NOS1: variants seen among roughly 807,000 people sequenced by gnomAD.
The protein encoded by NOS1 is NOS type I.
A neutral mutation model predicts 164.5 loss-of-function variants in NOS1; 51 were observed. That is an observed-to-expected ratio of 0.31 (90% CI 0.25 to 0.39). The LOEUF (loss-of-function observed/expected upper bound fraction) is 0.39, where lower values mean the gene tolerates loss of function less well. Ranked by LOEUF, NOS1 falls within the 10% of genes least tolerant of loss-of-function variation. NOS1 has a pLI of 1.00. For missense variants in NOS1, 1,362 were observed against 1,885.6 expected (o/e 0.72, Z 5.14); for synonymous variants, 719 against 745.8 (o/e 0.96, Z 0.59).
At chr12:117,337,106 CTTTTTTTTTTTT>C (rs36054002) in intron 1 of NOS1, among the ~76,000 whole-genome samples, 7 of 64,332 alleles carry the variant, frequency 1.1e-4, no homozygotes, top group South Asian at 4.5e-4. Context: ...GCTTTTTACT[CTTTTTTTTTTTT>C]TTTTTTTTTT....
intron 26 of NOS1, 57 bp from the exon 27 acceptor site, chr12:117,220,326 G>C: frequency 6.7e-7 from 1 of 1,489,908 alleles, no homozygotes; most frequent in Non-Finnish European, 9.0e-7. Context: ...GCCTGCCATA[G>C]CCCATGTCTG....
intron 2 of NOS1, among the ~76,000 whole-genome samples, chr12:117,325,517 A>G (rs61277899): frequency 0.086 from 13,124 of 152,144 alleles, 1,916 homozygotes; most frequent in African/African-American, 0.3. Flanking sequence ...CAGGAACATG[A>G]AGGAAGAGAG....
At position 117,330,602 on chromosome 12, in the gene NOS1, C is replaced by A; in HGVS notation, c.468G>T (p.Gly156=). 6.2e-7 allele frequency: 1 copy of A among 1,611,800 alleles called. No individual in the cohort carries two copies. The highest frequency in any genetic ancestry group is 8.5e-7 in the Non-Finnish European group (1 of 1,178,840). The part of the protein sequence containing the change: ...PLAVDGASGP[G]NGPQHAYDDG... ...CATCGTAGGCATGCTGAGGCCCATT[C>A]CCGGGACCCGAGGCCCCATCCACTG... is the stretch of plus-strand genomic sequence containing the variant. The change falls in exon 2 of 29, where the codon GGG becomes GGT. Residue 156 remains glycine, a synonymous_variant. Transcript: ENST00000317775. The surrounding 1 kb of genome is among the most constrained non-coding windows in gnomAD (Gnocchi z 4.6).
Position 117,247,297 on chromosome 12 carries a change from G to T in NOS1, c.2823+51C>A, listed in dbSNP as rs760043347. 8 of 1,443,284 alleles carry T rather than the reference G, an allele frequency of 5.5e-6. No homozygotes were observed. In the South Asian group the frequency reaches 6.7e-5, roughly 12 times the overall value. The allele number at this position is 1,443,284 out of a possible 1,614,324, so 89.4% of individuals were successfully genotyped here. A position where few individuals can be genotyped will look rare whatever the true frequency, so the allele number is the denominator to read the frequency against. ...CTTGATGGTTTAGGTGCTGTCTTTG[G>T]GGGTGTGGGGAGCATTACTTTTTCC... On this transcript the variant is annotated intron_variant, in intron 18 of 28. Transcript: ENST00000317775.
intron 3 of NOS1, among the ~76,000 whole-genome samples, chr12:117,295,783 C>T (rs1359200713): frequency 6.6e-6 from 1 of 151,198 alleles, no homozygotes; most frequent in Admixed American, 6.6e-5. Flanking sequence ...CCATGCCTGG[C>T]TAATTTTTCT....
intron 1 of NOS1, among the ~76,000 whole-genome samples, chr12:117,345,006 G>C (rs1369980008): frequency 7.1e-6 from 1 of 141,790 alleles, no homozygotes; most frequent in Non-Finnish European, 1.5e-5. Context: ...TTGCTTGCTT[G>C]CTTGGTTGCT....
chr12:117,212,037 G>C lies in NOS1; in HGVS notation c.*3272C>G. On this transcript the variant is annotated 3_prime_UTR_variant, in exon 29 of 29. Coordinates refer to ENST00000317775, the MANE Select transcript of NOS1 (RefSeq NM_000620.5). ...GCTGAGATCGTACCACTGTACGCCA[G>C]CCTGGGTGACAGAGCAAGACTCTGT... The C allele has an allele frequency of 2.2e-6, 2 of 924,350 alleles. No homozygotes were observed. Among genetic ancestry groups the C allele is most frequent in the Non-Finnish European group, 2.6e-6 (2 of 775,358 alleles). 57.3% of individuals were successfully genotyped at this position (924,350 alleles called of 1,614,324 possible). A position where few individuals can be genotyped will look rare whatever the true frequency, so the allele number is the denominator to read the frequency against.
intron 17 of NOS1, 111 bp from the exon 18 acceptor site, chr12:117,247,633 A>C (rs1342293056): frequency 2.2e-6 from 2 of 905,488 alleles, no homozygotes; most frequent in Admixed American, 3.3e-5. Flanking sequence ...TTAAAACTCT[A>C]ATCTCCTCAC....
intron 21 of NOS1, 150 bp from the exon 22 acceptor site, chr12:117,232,281 C>T (rs530003377): frequency 3.2e-6 from 2 of 630,296 alleles, no homozygotes; most frequent in Admixed American, 6.0e-5. Flanking sequence ...CCTTCCATGC[C>T]CAGAATCCAG....
rs41413747 is a variant in NOS1, at chr12:117,234,641, G to A, written c.3159C>T (p.Ile1053=). 2.5e-4 allele frequency: 400 copies of A among 1,614,136 alleles called. No individual in the cohort carries two copies. In the African/African-American group the frequency reaches 4.5e-3, roughly 18 times the overall value. ...CAGGCGGCGCGTCCTCCAGCCGCTC[G>A]ATCAGGGCATTCACGAGGTCCTCGT... The part of the protein sequence containing the change: ...GNHEDLVNAL[I]ERLEDAPPVN... The change falls in exon 21 of 29, where the codon ATC becomes ATT. Residue 1053 remains isoleucine, a synonymous_variant. Transcript: ENST00000317775. This position sits in a 1 kb window ranked among gnomAD's most constrained non-coding sequence, Gnocchi z 4.3.
At chr12:117,225,920 C>T (rs554030057) in intron 24 of NOS1, among the ~76,000 whole-genome samples, 8 of 152,310 alleles carry the variant, frequency 5.3e-5, no homozygotes, top group South Asian at 2.1e-4. Context: ...TGAGCCACTG[C>T]GCCCAGCCCA....
Position 117,208,750 on chromosome 12 carries a change from G to T in NOS1, c.*6559C>A, listed in dbSNP as rs191867506. 1.7e-4 allele frequency: 169 copies of T among 994,568 alleles called. No homozygotes were observed. The highest frequency in any genetic ancestry group is 5.0e-4 in the Middle Eastern group (1 of 1,990). 61.6% of individuals were successfully genotyped at this position (994,568 alleles called of 1,614,324 possible). A position where few individuals can be genotyped will look rare whatever the true frequency, so the allele number is the denominator to read the frequency against. On this transcript the variant is annotated 3_prime_UTR_variant, in exon 29 of 29. Coordinates refer to ENST00000317775, the MANE Select transcript of NOS1 (RefSeq NM_000620.5). ...GGGCTTTTTTTTTTTTTTCCACAGGGTCTCATTCTGTCAACAAGCTGGAGT... is the reference window on the plus strand; with the variant it reads ...GGGCTTTTTTTTTTTTTTCCACAGGTTCTCATTCTGTCAACAAGCTGGAGT...
chr12:117,292,912 T>C (rs1566062385), intron 3 of NOS1, among the ~76,000 whole-genome samples: 4 of 152,078 alleles, frequency 2.6e-5, no homozygotes, highest in African/African-American at 9.7e-5. Flanking sequence ...TTTAGCACAA[T>C]GGATGCCATT....
chr12:117,221,656 C>G (rs1405798176), intron 26 of NOS1, among the ~76,000 whole-genome samples: 4 of 151,286 alleles, frequency 2.6e-5, no homozygotes, highest in Non-Finnish European at 4.4e-5. Flanking sequence ...TGTTTAGAGA[C>G]AGAGTCTTGG....
intron 24 of NOS1, among the ~76,000 whole-genome samples, chr12:117,225,522 A>T (rs573658852): frequency 6.6e-6 from 1 of 152,200 alleles, no homozygotes; most frequent in South Asian, 2.1e-4. Flanking sequence ...AGTACATGTG[A>T]GTTGTGACAA....
At chr12:117,284,771 T>C (rs1342048617) in intron 7 of NOS1, among the ~76,000 whole-genome samples, 2 of 152,070 alleles carry the variant, frequency 1.3e-5, no homozygotes, top group African/African-American at 4.8e-5. Flanking sequence ...ATGCCGGGGC[T>C]GGGCGTGGTG....
At position 117,330,862 on chromosome 12, in the gene NOS1, G is replaced by T. The variant is rs1362576199; in HGVS notation, c.208C>A (p.Arg70=). Residue 70 remains arginine (R), a synonymous_variant, in exon 2 of 29, where the codon CGG becomes AGG. Coordinates refer to ENST00000317775, the MANE Select transcript of NOS1 (RefSeq NM_000620.5). The surrounding 1 kb of genome is among the most constrained non-coding windows in gnomAD (Gnocchi z 4.6). ...AGDIILAVNG[R]PLVDLSYDSA... Reference sequence around the variant, plus strand: ...TCATAGCTCAGGTCCACCAAGGGCCGGCCGTTGACCGCAAGAATGATGTCT... The same window carrying T: ...TCATAGCTCAGGTCCACCAAGGGCCTGCCGTTGACCGCAAGAATGATGTCT... 6.2e-7 allele frequency: 1 copy of T among 1,614,088 alleles called. No homozygotes were observed.
chr12:117,275,965 C>T (rs80000272), intron 9 of NOS1, among the ~76,000 whole-genome samples: 1,862 of 152,104 alleles, frequency 0.012, 44 homozygotes, highest in African/African-American at 0.043. Flanking sequence ...TGGCCCGAGA[C>T]CTTGCAGCAA....
At chr12:117,268,210 C>G in intron 10 of NOS1, 66 bp from the exon 11 acceptor site, 1 of 1,051,482 alleles carries the variant, frequency 9.5e-7, no homozygotes, top group Non-Finnish European at 1.5e-6. Context: ...TGAAGAGGGA[C>G]AGGGCTAGTG....
Sources: gnomAD v4.1 joint callset for allele counts (sites outside exome capture counted in the v4.1 genomes callset) on GRCh38, gnomAD v4.1.1 for gene constraint, Gnocchi (gnomAD v3.1) non-coding constraint, MANE v1.5 for transcripts, NCBI Gene and HGNC (gene_info 2026-07-23, HGNC 2026-07-21) for gene names.